Variants in PAX5 observed in about 807,000 individuals in gnomAD.
PAX5 encodes the protein paired box 5.
A neutral mutation model predicts 43.7 loss-of-function variants in PAX5; 9 were observed. That is an observed-to-expected ratio of 0.21 (90% CI 0.12 to 0.36). The LOEUF (loss-of-function observed/expected upper bound fraction) is 0.36, where lower values mean the gene tolerates loss of function less well. PAX5 is among the 10% of genes least tolerant of loss of function. The pLI is 1.00. For missense variants in PAX5, 383 were observed against 532.7 expected (o/e 0.72, Z 2.77); for synonymous variants, 228 against 214.3 (o/e 1.06, Z -0.56).
intron 4 of PAX5, among the ~76,000 whole-genome samples, chr9:37,005,906 G>A (rs1838346103): frequency 6.6e-6 from 1 of 152,170 alleles, no homozygotes; most frequent in African/African-American, 2.4e-5. Context: ...CTCCCACTCT[G>A]TCGGGTCACA....
At chr9:36,958,757 C>A (rs982214764) in intron 6 of PAX5, among the ~76,000 whole-genome samples, 1 of 152,134 alleles carries the variant, frequency 6.6e-6, no homozygotes, top group Non-Finnish European at 1.5e-5. Flanking sequence ...CAAGGTAATA[C>A]AATCCAAGGC....
chr9:36,879,324 G>C (rs1471396227), intron 8 of PAX5, among the ~76,000 whole-genome samples: 1 of 152,254 alleles, frequency 6.6e-6, no homozygotes, highest in Non-Finnish European at 1.5e-5. Context: ...GGCAGGCTCT[G>C]TTTGGATAAA....
intron 7 of PAX5, among the ~76,000 whole-genome samples, chr9:36,898,078 C>T (rs138736036): frequency 6.6e-6 from 1 of 152,290 alleles, no homozygotes; most frequent in East Asian, 1.9e-4. Context: ...CTCTGCCTCC[C>T]ATGGTTTGTT....
At chr9:36,852,254 T>C (rs560624584) in intron 8 of PAX5, among the ~76,000 whole-genome samples, 3 of 152,168 alleles carry the variant, frequency 2.0e-5, no homozygotes, top group Non-Finnish European at 2.9e-5. Context: ...CCTTTGATCC[T>C]GGGCAGGTGG....
At chr9:36,888,704 G>T (rs10733483) in intron 7 of PAX5, among the ~76,000 whole-genome samples, 124,504 of 152,166 alleles carry the variant, frequency 0.82, 52,092 homozygotes, top group Non-Finnish European at 0.91. Flanking sequence ...GCAGAGGCAC[G>T]CTATGGCTGA....
intron 6 of PAX5, among the ~76,000 whole-genome samples, chr9:36,925,446 CA>C (rs1192549039): frequency 3.9e-5 from 6 of 152,096 alleles, no homozygotes; most frequent in Non-Finnish European, 8.8e-5. Flanking sequence ...GGTATTGGCA[CA>C]GGGGTAGATA....
intron 8 of PAX5, among the ~76,000 whole-genome samples, chr9:36,857,118 T>C (rs1310627872): frequency 6.6e-6 from 1 of 152,216 alleles, no homozygotes; most frequent in African/African-American, 2.4e-5. Flanking sequence ...ACTGGGTTTG[T>C]TCAGGCAGTC....
In PAX5 at chr9:36,949,211, C is replaced by A. The variant is rs541859938; in HGVS notation, c.780+17338G>T. 9.4e-5 allele frequency among the ~76,000 whole-genome samples: 14 copies of A among 148,362 alleles called. No individual in the cohort carries two copies. The East Asian group carries it at 2.7e-3, about 29-fold the overall frequency. ...AAGCAGCTGGGACCACAGGGGCCCGCCACCACGCCTGGCTAATTTTTTGTA... is the reference window on the plus strand; with the variant it reads ...AAGCAGCTGGGACCACAGGGGCCCGACACCACGCCTGGCTAATTTTTTGTA... On this transcript the variant is annotated intron_variant, in intron 6 of 9. Transcript: ENST00000358127.
intron 5 of PAX5, among the ~76,000 whole-genome samples, chr9:36,997,917 T>C (rs1176702789): frequency 6.6e-6 from 1 of 152,216 alleles, no homozygotes; most frequent in Non-Finnish European, 1.5e-5. Flanking sequence ...GACACAGTAC[T>C]GGCACAGAAG....
chr9:36,977,657 A>G (rs1835557067), intron 5 of PAX5, among the ~76,000 whole-genome samples: 1 of 152,114 alleles, frequency 6.6e-6, no homozygotes, highest in Non-Finnish European at 1.5e-5. Context: ...CAGCCTCTCA[A>G]GTAGCTGGGA....
chr9:36,889,943 G>A (rs1042281701), intron 7 of PAX5, among the ~76,000 whole-genome samples: 2 of 76,562 alleles, frequency 2.6e-5, no homozygotes, highest in African/African-American at 6.8e-5. Flanking sequence ...TACACTAACG[G>A]GGGGGGGGGG....
At chr9:37,016,403 G>A (rs1235770186) in intron 2 of PAX5, among the ~76,000 whole-genome samples, 1 of 152,186 alleles carries the variant, frequency 6.6e-6, no homozygotes, top group Non-Finnish European at 1.5e-5. Flanking sequence ...CCAACCACAA[G>A]TCACGGCAAC....
In PAX5 at chr9:36,837,360, TATC is replaced by T. The variant is rs1310672317; in HGVS notation, c.*3197_*3199del. On this transcript the variant is annotated 3_prime_UTR_variant, in exon 10 of 10. Transcript: ENST00000358127. ...TGGGAAAGGGATGTTGGGTTTGATA[TATC>T]ATCCAATTTTTCTAGGTTGGAGCTA... 4.3e-6 allele frequency: 1 copy of T among 233,208 alleles called. No individual in the cohort carries two copies. Among genetic ancestry groups the T allele is most frequent in the Non-Finnish European group, 8.5e-6 (1 of 118,064 alleles). The allele number at this position is 233,208 out of a possible 1,614,324, so 14.4% of individuals were successfully genotyped here. A position where few individuals can be genotyped will look rare whatever the true frequency, so the allele number is the denominator to read the frequency against.
intron 8 of PAX5, among the ~76,000 whole-genome samples, chr9:36,879,388 G>T (rs143563146): frequency 6.6e-6 from 1 of 152,206 alleles, no homozygotes; most frequent in South Asian, 2.1e-4. Flanking sequence ...GTTTCCAGTG[G>T]GGGGCTGAGA....
chr9:36,880,774 C>T (rs968425628), intron 8 of PAX5, among the ~76,000 whole-genome samples: 28 of 152,192 alleles, frequency 1.8e-4, no homozygotes, highest in African/African-American at 6.8e-4. Flanking sequence ...GACAGGGCTT[C>T]GCCATGTTGG....
chr9:36,911,547 C>A (rs1330462130), intron 7 of PAX5, among the ~76,000 whole-genome samples: 1 of 152,238 alleles, frequency 6.6e-6, no homozygotes, highest in African/African-American at 2.4e-5. Context: ...AGGGTATCAT[C>A]CTGCACTGTA....
At chr9:36,973,698 T>C (rs141212595) in intron 5 of PAX5, among the ~76,000 whole-genome samples, 17 of 151,322 alleles carry the variant, frequency 1.1e-4, no homozygotes, top group African/African-American at 4.1e-4. Context: ...GAGACCCCCA[T>C]CTCTACAAAA....
At chr9:37,002,599 C>T (rs1447493380) in intron 5 of PAX5, 49 bp downstream of exon 5, 3 of 1,578,216 alleles carry the variant, frequency 1.9e-6, no homozygotes, top group Non-Finnish European at 2.6e-6. Flanking sequence ...GCGCCGGAAA[C>T]AGACCCCGTG....
intron 7 of PAX5, among the ~76,000 whole-genome samples, chr9:36,913,778 C>T (rs1829505954): frequency 6.6e-6 from 1 of 152,182 alleles, no homozygotes; most frequent in African/African-American, 2.4e-5. Context: ...CATCTGTTCC[C>T]CAGACCCCAG....
Sources: gnomAD v4.1 joint callset for allele counts (sites outside exome capture counted in the v4.1 genomes callset) on GRCh38, gnomAD v4.1.1 for gene constraint, MANE v1.5 for transcripts, NCBI Gene and HGNC (gene_info 2026-07-23, HGNC 2026-07-21) for gene names.